The following EXOSC7 variants were observed in gnomAD, a reference collection of about 807,000 sequenced individuals.
EXOSC7 encodes exosome complex component RRP42.
Under a neutral mutation model 34.3 loss-of-function variants are expected in EXOSC7, and 25 were observed. The observed-to-expected ratio is 0.73, with a 90% confidence interval of 0.53 to 1.02. The LOEUF is 1.02. EXOSC7 is among the 50% of genes least tolerant of loss of function. The pLI, the probability that EXOSC7 is intolerant of heterozygous loss-of-function variation, is 0.00. For synonymous variants in EXOSC7, 130 were observed against 143.0 expected, an observed-to-expected ratio of 0.91 and a Z score of 0.65; for missense variants, 370 against 368.5, an observed-to-expected ratio of 1.00 and a Z score of -0.03.
intron 3 of EXOSC7, among the ~76,000 whole-genome samples, chr3:44,992,778 G>A (rs1288534018): frequency 2.6e-5 from 4 of 152,084 alleles, no homozygotes; most frequent in African/African-American, 9.7e-5. Flanking sequence ...ACTAGGCGGC[G>A]AGCCATCAAG....
chr3:44,989,586 A>G lies in EXOSC7; in HGVS notation c.196A>G (p.Met66Val). The change falls in exon 3 of 8, where the codon ATG (methionine) becomes GTG (valine). Residue 66 changes from methionine to valine, a missense_variant. Physicochemically the swap from Met to Val is conservative, Grantham distance 21. Coordinates refer to ENST00000265564, the MANE Select transcript of EXOSC7 (RefSeq NM_015004.4). ...CATCTTGGTGGGAGTGAAAGCAGAA[A>G]TGGGGACGCCGAAGCTGGAGAAACC... is the stretch of plus-strand genomic sequence containing the variant. ...TDILVGVKAE[M>V]GTPKLEKPNE... 1.2e-6 allele frequency: 2 copies of G among 1,614,188 alleles called. No individual in the cohort carries two copies. The highest frequency in any genetic ancestry group is 1.1e-5 in the South Asian group (1 of 91,080).
chr3:45,011,925 A>G (rs1258422271), downstream of EXOSC7, among the ~76,000 whole-genome samples: 2 of 152,122 alleles, frequency 1.3e-5, no homozygotes, highest in African/African-American at 2.4e-5. Flanking sequence ...ATCCTTTCTT[A>G]TCACTCTTGT....
intron 3 of EXOSC7, among the ~76,000 whole-genome samples, chr3:44,992,787 A>G (rs1433407157): frequency 6.6e-6 from 1 of 152,198 alleles, no homozygotes; most frequent in Non-Finnish European, 1.5e-5. Flanking sequence ...CGAGCCATCA[A>G]GTTGCTTCTC....
intron 1 of EXOSC7, among the ~76,000 whole-genome samples, chr3:44,976,921 C>CA (rs1446168868): frequency 1.3e-5 from 2 of 152,024 alleles, no homozygotes; most frequent in Non-Finnish European, 2.9e-5. Context: ...GCTAAAAATA[C>CA]AAAAAAATTT....
At position 45,005,308 on chromosome 3, in the gene EXOSC7, T is replaced by G; in HGVS notation, c.509T>G (p.Val170Gly). 6.2e-7 allele frequency: 1 copy of G among 1,614,042 alleles called. No homozygotes were observed. The highest frequency in any genetic ancestry group is 8.5e-7 in the Non-Finnish European group (1 of 1,179,964). The change falls in exon 6 of 8, where the codon GTT becomes GGT. Residue 170 changes from valine to glycine, a missense_variant. Physicochemically the swap from Val to Gly is moderately radical, Grantham distance 109 (BLOSUM62 -3). Transcript: ENST00000265564. ...GCTTCCAGGATACCAAGGGTTCGAGTTTTGGAGGATGAAGAGGGGTCGAAG... is the reference window on the plus strand; with the variant it reads ...GCTTCCAGGATACCAAGGGTTCGAGGTTTGGAGGATGAAGAGGGGTCGAAG... Reference protein sequence around the residue: ...LFNTRIPRVRVLEDEEGSKDI... With the variant: ...LFNTRIPRVRGLEDEEGSKDI...
intron 7 of EXOSC7, among the ~76,000 whole-genome samples, chr3:45,008,257 T>C (rs374523871): frequency 1.4e-4 from 21 of 152,346 alleles, no homozygotes; most frequent in East Asian, 1.2e-3. Context: ...TTCTGACTGA[T>C]TGACTGACTG....
In EXOSC7 at chr3:45,011,302, T is replaced by G; in HGVS notation, c.839T>G (p.Leu280Arg). 6.2e-7 allele frequency: 1 copy of G among 1,613,296 alleles called. No homozygotes were observed. Among genetic ancestry groups the G allele is most frequent in the Non-Finnish European group, 8.5e-7 (1 of 1,179,640 alleles). Residue 280 changes from leucine to arginine, a missense_variant, in exon 8 of 8, where the codon CTG becomes CGG. This residue lies in a region of EXOSC7 where 255 missense variants were observed against 246.4 expected (regional missense o/e 1.03). Coordinates refer to ENST00000265564, the MANE Select transcript of EXOSC7 (RefSeq NM_015004.4). ...LQSVVHKEES[L>R]GPKRQKVGFL... is the part of the protein sequence containing the mutation. ...AGTGTTGTGCACAAGGAAGAAAGCC[T>G]GGGGCCCAAGAGACAGAAAGTTGGA...
At position 44,988,908 on chromosome 3, in the gene EXOSC7, G is replaced by T. The variant is rs1706491662; in HGVS notation, c.58-232G>T. Among the ~76,000 whole-genome samples, 3 of 152,262 alleles carry T rather than the reference G, an allele frequency of 2.0e-5. No homozygotes were observed. The South Asian group carries it at 6.2e-4, about 32-fold the overall frequency. ...ACAACTGGCATGGAAAACTAGCTTTGTTTTCACTAGCTGTAGGACCTTGGA... is the reference window on the plus strand; with the variant it reads ...ACAACTGGCATGGAAAACTAGCTTTTTTTTCACTAGCTGTAGGACCTTGGA... On this transcript the variant is annotated intron_variant, in intron 1 of 7. Transcript: ENST00000265564.
intron 4 of EXOSC7, among the ~76,000 whole-genome samples, chr3:45,001,168 T>C (rs1706866827): frequency 6.6e-6 from 1 of 151,866 alleles, no homozygotes; most frequent in South Asian, 2.1e-4. Context: ...AAAATCGGTG[T>C]CCTGGCCGGG....
At chr3:44,996,096 T>C (rs898041992) in intron 3 of EXOSC7, among the ~76,000 whole-genome samples, 14 of 152,306 alleles carry the variant, frequency 9.2e-5, no homozygotes, top group Admixed American at 9.1e-4. Context: ...CCACCTCACT[T>C]AGTCTCTAGG....
chr3:45,006,577 T>C (rs1207816000), intron 6 of EXOSC7, among the ~76,000 whole-genome samples: 1 of 149,660 alleles, frequency 6.7e-6, no homozygotes, highest in East Asian at 2.0e-4. Context: ...CCACCGCGCC[T>C]GGCTAATTTT....
chr3:45,003,326 TGTGCGTGCGTGCGTGC>T (rs55977605), intron 5 of EXOSC7, among the ~76,000 whole-genome samples: 4 of 136,812 alleles, frequency 2.9e-5, no homozygotes, highest in Non-Finnish European at 6.5e-5. Flanking sequence ...TGGGAGATAC[TGTGCGTGCGTGCGTGC>T]GTGCGTGCGT....
intron 1 of EXOSC7, among the ~76,000 whole-genome samples, chr3:44,978,334 G>GA (rs1410269194): frequency 6.6e-6 from 1 of 152,074 alleles, no homozygotes; most frequent in African/African-American, 2.4e-5. Context: ...AGAATTCCAG[G>GA]GACTTGTAAT....
chr3:44,992,253 A>C (rs1706595017), intron 3 of EXOSC7, among the ~76,000 whole-genome samples: 1 of 152,160 alleles, frequency 6.6e-6, no homozygotes, highest in African/African-American at 2.4e-5. Flanking sequence ...TGCCCAGTGG[A>C]AGGAAATAAA....
rs1486161451 is a variant in EXOSC7, at chr3:44,997,161, A to C, written c.329A>C (p.Tyr110Ser). ...DLGTEIANTL[Y>S]RIFNNKSSVD... ...GGCACCGAGATCGCTAACACCCTCT[A>C]TCGGATATTTAACAATAAAAGCAGT... Residue 110 changes from tyrosine (Y) to serine (S), a missense_variant, in exon 4 of 8, where the codon TAT becomes TCT. By Grantham distance (144) the Tyr-to-Ser change is moderately radical (BLOSUM62 -2). Transcript: ENST00000265564. 6.2e-7 allele frequency: 1 copy of C among 1,613,992 alleles called. No individual in the cohort carries two copies. Among genetic ancestry groups the C allele is most frequent in the Non-Finnish European group, 8.5e-7 (1 of 1,179,972 alleles).
chr3:44,981,765 G>A (rs1303657298), intron 1 of EXOSC7, among the ~76,000 whole-genome samples: 1 of 152,086 alleles, frequency 6.6e-6, no homozygotes, highest in African/African-American at 2.4e-5. Context: ...AAAAAATTAG[G>A]TGTGTGGTGG....
chr3:45,012,072 G>A (rs964517334), downstream of EXOSC7: 6 of 152,210 alleles, frequency 3.9e-5, no homozygotes, highest in African/African-American at 1.4e-4. Flanking sequence ...TTGAAAGGAA[G>A]ACTATGCTTG....
intron 1 of EXOSC7, among the ~76,000 whole-genome samples, chr3:44,979,965 A>C (rs1706231684): frequency 6.6e-6 from 1 of 152,124 alleles, no homozygotes; most frequent in Non-Finnish European, 1.5e-5. Context: ...TCAGGGAACC[A>C]ATAAGAGATG....
At chr3:44,991,769 G>A (rs1559745378) in intron 3 of EXOSC7, among the ~76,000 whole-genome samples, 1 of 152,166 alleles carries the variant, frequency 6.6e-6, no homozygotes, top group Non-Finnish European at 1.5e-5. Flanking sequence ...GCTTAGAGTG[G>A]CTGCCTGCTG....
Sources: allele counts gnomAD v4.1 joint callset (sites outside exome capture counted in the v4.1 genomes callset), GRCh38; gene constraint gnomAD v4.1.1; regional missense constraint gnomAD v4.1.1; transcripts MANE v1.5; gene names NCBI Gene and HGNC (gene_info 2026-07-23, HGNC 2026-07-21).